The following SLC24A2 variants were observed in gnomAD, a reference collection of about 807,000 sequenced individuals.
SLC24A2 encodes sodium/potassium/calcium exchanger 2.
Under a neutral mutation model 62.0 loss-of-function variants are expected in SLC24A2, and 36 were observed. That is an observed-to-expected ratio of 0.58 (90% CI 0.44 to 0.77). SLC24A2 has a LOEUF of 0.77. Among genes scored for constraint, SLC24A2 ranks in the 30% least tolerant of loss-of-function variants. SLC24A2 has a pLI of 0.00. For synonymous variants in SLC24A2, 358 were observed against 294.0 expected, an observed-to-expected ratio of 1.22 and a Z score of -2.23; for missense variants, 846 against 817.9, an observed-to-expected ratio of 1.03 and a Z score of -0.42.
chr9:19,866,313 T>C, the SLC24A2 span, among the ~76,000 whole-genome samples: 4 of 152,190 alleles, frequency 2.6e-5, no homozygotes, highest in East Asian at 7.7e-4. Context: ...AAACTAAAAA[T>C]AGAACTAGCA....
chr9:20,114,360 G>C, the SLC24A2 span, among the ~76,000 whole-genome samples: 1 of 152,120 alleles, frequency 6.6e-6, no homozygotes, highest in Non-Finnish European at 1.5e-5. Flanking sequence ...GTGCTTATCA[G>C]GTAATCACCT....
At chr9:20,271,914 C>G in the SLC24A2 span, among the ~76,000 whole-genome samples, 2 of 152,120 alleles carry the variant, frequency 1.3e-5, no homozygotes, top group African/African-American at 4.8e-5. Flanking sequence ...GCTATGCCAC[C>G]TAATGGCCAA....
intron 2 of SLC24A2, among the ~76,000 whole-genome samples, chr9:19,678,384 T>C (rs1331440047): frequency 6.6e-6 from 1 of 152,172 alleles, no homozygotes; most frequent in Non-Finnish European, 1.5e-5. Flanking sequence ...CTGGCATGCA[T>C]CTGTAGACTT....
At chr9:19,731,516 C>CCGTGTGTGTGTGTGTGTGTGTGT (rs72153360) in intron 2 of SLC24A2, among the ~76,000 whole-genome samples, 1 of 113,710 alleles carries the variant, frequency 8.8e-6, no homozygotes, top group Admixed American at 9.7e-5. Flanking sequence ...TCTCTCTCTC[C>CCGTGTGTGTGTGTGTGTGTGTGT]GTGTGTGTGT....
chr9:19,727,301 G>T (rs575547056), intron 2 of SLC24A2, among the ~76,000 whole-genome samples: 3 of 152,142 alleles, frequency 2.0e-5, no homozygotes, highest in East Asian at 1.9e-4. Flanking sequence ...AACAAAAAAA[G>T]AATATTTTAG....
the SLC24A2 span, among the ~76,000 whole-genome samples, chr9:19,833,612 A>G: frequency 6.6e-6 from 1 of 152,258 alleles, no homozygotes; most frequent in Non-Finnish European, 1.5e-5. Context: ...CCACAGCTCA[A>G]GGAGGCCTGT....
chr9:20,056,155 C>T, the SLC24A2 span, among the ~76,000 whole-genome samples: 3 of 152,136 alleles, frequency 2.0e-5, no homozygotes, highest in Non-Finnish European at 2.9e-5. Flanking sequence ...ATATATTTAG[C>T]AAAGAGCCTG....
At chr9:20,087,095 T>A in the SLC24A2 span, among the ~76,000 whole-genome samples, 2 of 152,226 alleles carry the variant, frequency 1.3e-5, no homozygotes, top group South Asian at 4.1e-4. Context: ...CTGAATTCTG[T>A]GCAGAGCTTT....
the SLC24A2 span, among the ~76,000 whole-genome samples, chr9:20,291,885 G>T: frequency 6.6e-6 from 1 of 152,164 alleles, no homozygotes; most frequent in African/African-American, 2.4e-5. Flanking sequence ...GGAAGGACTG[G>T]AGAGGAACAA....
the SLC24A2 span, among the ~76,000 whole-genome samples, chr9:19,871,570 T>C: frequency 2.6e-5 from 4 of 152,200 alleles, no homozygotes; most frequent in Admixed American, 1.3e-4. Context: ...TTTCATAATA[T>C]CCATTTTATT....
the SLC24A2 span, among the ~76,000 whole-genome samples, chr9:20,037,333 C>A: frequency 1.1e-4 from 16 of 152,270 alleles, no homozygotes; most frequent in African/African-American, 3.8e-4. Context: ...CAACCATCCA[C>A]TTTTTTTGCC....
intron 2 of SLC24A2, among the ~76,000 whole-genome samples, chr9:19,633,380 T>G (rs182042294): frequency 6.6e-6 from 1 of 152,348 alleles, no homozygotes; most frequent in East Asian, 1.9e-4. Flanking sequence ...CCAAACTATT[T>G]TCCAGAGTGC....
At chr9:19,998,514 CA>C in the SLC24A2 span, among the ~76,000 whole-genome samples, 1 of 152,150 alleles carries the variant, frequency 6.6e-6, no homozygotes, top group African/African-American at 2.4e-5. Flanking sequence ...AAACAGCCCC[CA>C]GCAATAAATA....
At chr9:19,572,249 G>C (rs1835857992) in intron 7 of SLC24A2, among the ~76,000 whole-genome samples, 1 of 105,758 alleles carries the variant, frequency 9.5e-6, no homozygotes. Context: ...GACAGAGTGA[G>C]AGTCCGTCTC....
the SLC24A2 span, among the ~76,000 whole-genome samples, chr9:20,127,627 G>C: frequency 6.6e-6 from 1 of 152,118 alleles, no homozygotes; most frequent in African/African-American, 2.4e-5. Flanking sequence ...GATTTTCAAT[G>C]AGATAACTTG....
the SLC24A2 span, among the ~76,000 whole-genome samples, chr9:19,829,065 C>A: frequency 6.6e-6 from 1 of 152,086 alleles, no homozygotes; most frequent in Non-Finnish European, 1.5e-5. Flanking sequence ...ACCCTTTGCT[C>A]GAACTCCTTT....
chr9:19,672,795 A>G lies in SLC24A2; in HGVS notation c.931-50496T>C, dbSNP rs1024205733. 4.8e-5 allele frequency among the ~76,000 whole-genome samples: 7 copies of G among 146,652 alleles called. 1 individual carries two copies. The highest frequency in any genetic ancestry group is 1.3e-4 in the Admixed American group (2 of 14,974). On this transcript the variant is annotated intron_variant, in intron 2 of 10. Coordinates refer to ENST00000341998, the MANE Select transcript of SLC24A2 (RefSeq NM_020344.4). The stretch of plus-strand genomic sequence containing the variant: ...CCATCTTGATTTCATTGTTGACCCA[A>G]TGATCATTCAGGAGCAAGTTATTTA...
the SLC24A2 span, among the ~76,000 whole-genome samples, chr9:19,993,484 A>C: frequency 6.6e-6 from 1 of 152,180 alleles, no homozygotes; most frequent in East Asian, 1.9e-4. Flanking sequence ...ATGGATGCTC[A>C]CTTTTCCTCT....
rs545577689 is a variant in SLC24A2 at position 19,565,122 on chromosome 9, G to T, written c.1347+8229C>A. 2.6e-3 allele frequency among the ~76,000 whole-genome samples: 389 copies of T among 152,174 alleles called. 2 individuals carry two copies. The highest frequency in any genetic ancestry group is 8.9e-3 in the African/African-American group (371 of 41,500). ...TGGAAGTTCTGGCCAGGGCAATCAC[G>T]CAGGAGAAAGAAATAAAGGTATTCA... On this transcript the variant is annotated intron_variant, in intron 7 of 10. Transcript: ENST00000341998.
Sources: gnomAD v4.1 joint callset for allele counts (sites outside exome capture counted in the v4.1 genomes callset) on GRCh38, gnomAD v4.1.1 for gene constraint, MANE v1.5 for transcripts, NCBI Gene and HGNC (gene_info 2026-07-23, HGNC 2026-07-21) for gene names.